Variants in NARS2 observed in about 807,000 individuals in gnomAD.
NARS2 encodes the protein asparaginyl-tRNA synthetase.
NARS2 carries 60 observed loss-of-function variants against 62.9 expected under a neutral mutation model. That is an observed-to-expected ratio of 0.95 (90% CI 0.77 to 1.18). The LOEUF is 1.18. Ranked by LOEUF, NARS2 falls within the 50% of genes most tolerant of loss-of-function variation. The probability of loss-of-function intolerance (pLI) is 0.00; values close to 1 mark genes in which losing one functional copy is unlikely to be tolerated. For missense variants in NARS2, 619 were observed against 576.4 expected, an observed-to-expected ratio of 1.07 and a Z score of -0.76; for synonymous variants, 196 against 200.0, an observed-to-expected ratio of 0.98 and a Z score of 0.17.
At chr11:78,547,044 T>G (rs1379462667) in intron 5 of NARS2, among the ~76,000 whole-genome samples, 1 of 152,230 alleles carries the variant, frequency 6.6e-6, no homozygotes, top group East Asian at 1.9e-4. Flanking sequence ...CACTATACAT[T>G]TCGTGGCTGG....
chr11:78,496,766 T>C (rs761992787), intron 6 of NARS2, among the ~76,000 whole-genome samples: 1 of 152,168 alleles, frequency 6.6e-6, no homozygotes, highest in Non-Finnish European at 1.5e-5. Context: ...TTGTAATCTT[T>C]AGCAAGTTAT....
chr11:78,559,932 G>A (rs1565284455), intron 4 of NARS2, among the ~76,000 whole-genome samples: 1 of 152,188 alleles, frequency 6.6e-6, no homozygotes, highest in Non-Finnish European at 1.5e-5. Context: ...GCTGAGCCAG[G>A]ACTAGAACCT....
chr11:78,457,268 G>A (rs578254468), intron 11 of NARS2, among the ~76,000 whole-genome samples: 6 of 152,262 alleles, frequency 3.9e-5, no homozygotes, highest in Admixed American at 3.9e-4. Flanking sequence ...AGTTACAAGT[G>A]TAGATTAGAT....
intron 5 of NARS2, among the ~76,000 whole-genome samples, chr11:78,549,244 G>T (rs1855997949): frequency 6.6e-6 from 1 of 152,204 alleles, no homozygotes; most frequent in African/African-American, 2.4e-5. Context: ...GACAAGCCAA[G>T]AAACCTGGGC....
At position 78,445,387 on chromosome 11, in the gene NARS2, G is replaced by A. The variant is rs551573290; in HGVS notation, c.1165-1629C>T. 4.3e-4 allele frequency among the ~76,000 whole-genome samples: 65 copies of A among 152,298 alleles called. No individual in the cohort carries two copies. In the South Asian group the frequency reaches 0.013, roughly 30 times the overall value. Reference sequence around the variant, plus strand: ...TGTAATCCCAATACTTTGGGAGGCCGAGGTGGGCGGATCACCTGAGGTCAG... The same window carrying A: ...TGTAATCCCAATACTTTGGGAGGCCAAGGTGGGCGGATCACCTGAGGTCAG... On this transcript the variant is annotated intron_variant, in intron 11 of 13. Coordinates refer to ENST00000281038, the MANE Select transcript of NARS2 (RefSeq NM_024678.6).
At chr11:78,484,168 G>A (rs901075875) in intron 7 of NARS2, among the ~76,000 whole-genome samples, 1 of 152,116 alleles carries the variant, frequency 6.6e-6, no homozygotes, top group African/African-American at 2.4e-5. Context: ...AAATGGTACT[G>A]GGAAAACTGG....
chr11:78,508,758 T>C (rs1168509843), intron 6 of NARS2, among the ~76,000 whole-genome samples: 2 of 152,084 alleles, frequency 1.3e-5, no homozygotes, highest in Non-Finnish European at 2.9e-5. Context: ...AATCAAACTT[T>C]TGCAAGCCAA....
intron 5 of NARS2, among the ~76,000 whole-genome samples, chr11:78,552,317 A>G (rs903109761): frequency 6.6e-6 from 1 of 152,206 alleles, no homozygotes; most frequent in African/African-American, 2.4e-5. Flanking sequence ...CCCCCAAGAC[A>G]TGATCTCATT....
intron 3 of NARS2, among the ~76,000 whole-genome samples, chr11:78,567,968 T>C (rs1856799661): frequency 6.6e-6 from 1 of 152,238 alleles, no homozygotes; most frequent in Admixed American, 6.5e-5. Flanking sequence ...TCATTAATAA[T>C]CTTTTATTCT....
intron 5 of NARS2, among the ~76,000 whole-genome samples, chr11:78,551,611 G>C (rs1393839906): frequency 6.6e-6 from 1 of 152,114 alleles, no homozygotes; most frequent in South Asian, 2.1e-4. Context: ...AGCACTTTGG[G>C]AGGCCAAGGC....
intron 4 of NARS2, 83 bp from the exon 5 acceptor site, chr11:78,559,702 G>C (rs1565284330): frequency 1.1e-6 from 1 of 875,790 alleles, no homozygotes; most frequent in East Asian, 2.5e-5. Flanking sequence ...TATTAAAATG[G>C]CACACTAAGC....
intron 3 of NARS2, among the ~76,000 whole-genome samples, chr11:78,566,979 GTACAAA>G (rs1364045303): frequency 1.3e-5 from 2 of 149,570 alleles, no homozygotes; most frequent in African/African-American, 4.9e-5. Context: ...TCTAAGTCTT[GTACAAA>G]TACAAACTTT....
intron 11 of NARS2, 127 bp from the exon 12 acceptor site, chr11:78,443,885 A>T: frequency 1.6e-6 from 1 of 636,458 alleles, no homozygotes; most frequent in South Asian, 1.8e-5. Flanking sequence ...CTTACTGACT[A>T]CATACAAATT....
chr11:78,465,241 C>T lies in NARS2; in HGVS notation c.1164+635G>A, dbSNP rs183923451. On this transcript the variant is annotated intron_variant, in intron 11 of 13. Coordinates refer to ENST00000281038, the MANE Select transcript of NARS2 (RefSeq NM_024678.6). ...CACACCCACCTGGAACTCGCACTGG[C>T]CCGCAAGCACCGCAGGCAGCCCTGG... Among the ~76,000 whole-genome samples the T allele has an allele frequency of 1.2e-4, 19 of 152,372 alleles. No homozygotes were observed. The East Asian group carries it at 3.7e-3, about 29-fold the overall frequency.
chr11:78,545,952 C>A (rs10899551), intron 5 of NARS2, among the ~76,000 whole-genome samples: 98,065 of 152,052 alleles, frequency 0.64, 35,006 homozygotes, highest in Non-Finnish European at 0.81. Flanking sequence ...CAATACAAAT[C>A]ACCATCTGTT....
chr11:78,509,834 A>AG (rs1361802732), intron 6 of NARS2, among the ~76,000 whole-genome samples: 3 of 151,216 alleles, frequency 2.0e-5, no homozygotes, highest in Non-Finnish European at 3.0e-5. Flanking sequence ...CTCAAAAAAA[A>AG]AAAAAAAAGA....
In NARS2 at chr11:78,436,845, A is replaced by G. The variant is rs149570531; in HGVS notation, c.1290-31T>C. The G allele has an allele frequency of 1.4e-4, 227 of 1,598,934 alleles. No homozygotes were observed. In the African/African-American group the frequency reaches 2.9e-3, roughly 21 times the overall value. On this transcript the variant is annotated intron_variant, in intron 13 of 13. Transcript: ENST00000281038. ...TTTCAAAAATAGAAAATCATCATCTATATATAGTATAAGACCAGATGTTAT... is the reference window on the plus strand; with the variant it reads ...TTTCAAAAATAGAAAATCATCATCTGTATATAGTATAAGACCAGATGTTAT...
chr11:78,511,076 T>C (rs1860703875), intron 6 of NARS2, among the ~76,000 whole-genome samples: 1 of 152,136 alleles, frequency 6.6e-6, no homozygotes, highest in African/African-American at 2.4e-5. Flanking sequence ...GTTGTTACTG[T>C]GGTTGTTTTT....
intron 9 of NARS2, among the ~76,000 whole-genome samples, 153 bp from the exon 10 acceptor site, chr11:78,469,466 T>A (rs1181217014): frequency 6.6e-6 from 1 of 152,242 alleles, no homozygotes; most frequent in Non-Finnish European, 1.5e-5. Context: ...GAAAGAATGA[T>A]CTGCCTGAAG....
Sources: allele counts gnomAD v4.1 joint callset (sites outside exome capture counted in the v4.1 genomes callset), GRCh38; gene constraint gnomAD v4.1.1; transcripts MANE v1.5; gene names NCBI Gene and HGNC (gene_info 2026-07-23, HGNC 2026-07-21).